AFF3: variants seen among roughly 807,000 people sequenced by gnomAD.
The protein encoded by AFF3 is ALF transcription elongation factor 3.
AFF3 carries 32 observed loss-of-function variants against 129.7 expected under a neutral mutation model. The ratio of observed to expected loss-of-function variants is 0.25; its 90% CI spans 0.19 to 0.33. AFF3 has a LOEUF of 0.33. Among genes scored for constraint, AFF3 ranks in the 10% least tolerant of loss-of-function variants. AFF3 has a pLI of 1.00. For synonymous variants in AFF3, 644 were observed against 635.4 expected (o/e 1.01, Z -0.20); for missense variants, 1,373 against 1,592.0 (o/e 0.86, Z 2.34).
At chr2:100,112,912 C>T (rs1691574520) in intron 2 of AFF3, among the ~76,000 whole-genome samples, 2 of 152,204 alleles carry the variant, frequency 1.3e-5, no homozygotes, top group South Asian at 4.1e-4. Context: ...TATTATAATT[C>T]CATATACTTG....
intron 11 of AFF3, among the ~76,000 whole-genome samples, chr2:99,698,986 T>C (rs1356353142): frequency 6.6e-6 from 1 of 152,206 alleles, no homozygotes; most frequent in Non-Finnish European, 1.5e-5. Flanking sequence ...GTAAAATATA[T>C]AAGAAACTTT....
At chr2:100,011,166 C>T (rs1410823248) in intron 4 of AFF3, among the ~76,000 whole-genome samples, 2 of 152,106 alleles carry the variant, frequency 1.3e-5, no homozygotes, top group East Asian at 3.9e-4. Flanking sequence ...CCCAGCTACT[C>T]GGGAGGCTGA....
chr2:100,009,069 C>T, intron 4 of AFF3, 137 bp from the exon 5 acceptor site: 1 of 1,207,946 alleles, frequency 8.3e-7, no homozygotes, highest in South Asian at 1.6e-5. Flanking sequence ...GAGACAAAAG[C>T]CAGAGTCATC....
intron 7 of AFF3, among the ~76,000 whole-genome samples, chr2:99,879,400 C>T (rs751291881): frequency 2.0e-5 from 3 of 152,134 alleles, no homozygotes; most frequent in Non-Finnish European, 4.4e-5. Flanking sequence ...TTCCTAGTAG[C>T]TCCATAAACG....
intron 8 of AFF3, among the ~76,000 whole-genome samples, chr2:99,787,437 T>C (rs1318631420): frequency 6.6e-6 from 1 of 152,206 alleles, no homozygotes; most frequent in African/African-American, 2.4e-5. Context: ...CGCTGTATTT[T>C]GCTTTCTGAG....
chr2:100,125,217 A>G (rs1403722788), intron 2 of AFF3, among the ~76,000 whole-genome samples: 1 of 152,196 alleles, frequency 6.6e-6, no homozygotes, highest in Non-Finnish European at 1.5e-5. Flanking sequence ...ACACAAGAAG[A>G]ACAGAGATAA....
chr2:99,803,977 A>C (rs2105525450), intron 8 of AFF3, among the ~76,000 whole-genome samples: 1 of 152,310 alleles, frequency 6.6e-6, no homozygotes, highest in East Asian at 1.9e-4. Context: ...ACCAGAAAAA[A>C]ATCTAGAAGA....
chr2:99,561,646 G>A (rs1456633428), intron 20 of AFF3, among the ~76,000 whole-genome samples: 1 of 152,096 alleles, frequency 6.6e-6, no homozygotes, highest in Non-Finnish European at 1.5e-5. Context: ...CTAAAGTGCT[G>A]TAATTACAGA....
chr2:99,708,586 C>T (rs1677623045), intron 11 of AFF3, among the ~76,000 whole-genome samples: 1 of 152,154 alleles, frequency 6.6e-6, no homozygotes, highest in African/African-American at 2.4e-5. Flanking sequence ...CTTTTGAAGG[C>T]ACTGATATAG....
chr2:100,079,624 A>G (rs2105347465), intron 4 of AFF3, among the ~76,000 whole-genome samples: 1 of 152,300 alleles, frequency 6.6e-6, no homozygotes, highest in Non-Finnish European at 1.5e-5. Context: ...ATATGAAGCA[A>G]TATGATGAAC....
chr2:99,956,173 A>G (rs1676626897), intron 7 of AFF3, among the ~76,000 whole-genome samples: 1 of 151,610 alleles, frequency 6.6e-6, no homozygotes, highest in South Asian at 2.1e-4. Flanking sequence ...GTTTTAGTCC[A>G]AAGATACCCC....
At chr2:99,970,409 C>T (rs1171495025) in intron 7 of AFF3, among the ~76,000 whole-genome samples, 4 of 152,204 alleles carry the variant, frequency 2.6e-5, no homozygotes, top group Non-Finnish European at 5.9e-5. Flanking sequence ...CCCTCCCTCA[C>T]CTCCCGTTTC....
At chr2:99,778,416 C>A (rs1238567728) in intron 8 of AFF3, among the ~76,000 whole-genome samples, 1 of 152,178 alleles carries the variant, frequency 6.6e-6, no homozygotes, top group African/African-American at 2.4e-5. Context: ...TAACAGCACG[C>A]ATAGAAAGCA....
Position 100,039,708 on chromosome 2 carries a change from G to A in AFF3, c.54-30776C>T, listed in dbSNP as rs553250276. ...TGTTCCTTTACATCCATATGCCTTC[G>A]CTCACTTTCTAACTTTGTTTGAACT... On this transcript the variant is annotated intron_variant, in intron 4 of 24. Coordinates refer to ENST00000672756, the MANE Select transcript of AFF3 (RefSeq NM_001386135.1). Among the ~76,000 whole-genome samples, 9 of 152,118 alleles carry A rather than the reference G, an allele frequency of 5.9e-5. No homozygotes were observed. In the South Asian group the frequency reaches 1.5e-3, roughly 25 times the overall value.
chr2:99,579,266 G>A (rs1485166542), intron 17 of AFF3, among the ~76,000 whole-genome samples: 1 of 151,786 alleles, frequency 6.6e-6, no homozygotes, highest in African/African-American at 2.4e-5. Flanking sequence ...TTAGCTAGAC[G>A]TGGTGATACA....
At chr2:99,554,829 G>T in intron 22 of AFF3, 97 bp from the exon 23 acceptor site, 1 of 1,411,202 alleles carries the variant, frequency 7.1e-7, no homozygotes, top group Non-Finnish European at 9.9e-7. Flanking sequence ...GAGAAGCAAA[G>T]GCAGACACTG....
chr2:99,658,877 G>C (rs955651411), intron 12 of AFF3, among the ~76,000 whole-genome samples: 3 of 152,304 alleles, frequency 2.0e-5, no homozygotes, highest in Admixed American at 2.0e-4. Context: ...GATGCTAACA[G>C]ACACTGGGGG....
intron 11 of AFF3, among the ~76,000 whole-genome samples, chr2:99,673,321 G>A (rs1335585451): frequency 2.0e-5 from 3 of 152,014 alleles, no homozygotes; most frequent in Non-Finnish European, 4.4e-5. Flanking sequence ...AAGCAGGAGG[G>A]CGCTTTCTGA....
intron 12 of AFF3, among the ~76,000 whole-genome samples, chr2:99,668,946 T>G (rs1230362044): frequency 6.6e-6 from 1 of 152,178 alleles, no homozygotes; most frequent in Non-Finnish European, 1.5e-5. Flanking sequence ...AGTATTACCC[T>G]GATATCAAAA....
Sources: gnomAD v4.1 joint callset for allele counts (sites outside exome capture counted in the v4.1 genomes callset) on GRCh38, gnomAD v4.1.1 for gene constraint, MANE v1.5 for transcripts, NCBI Gene and HGNC (gene_info 2026-07-23, HGNC 2026-07-21) for gene names.